SHISA9: variants seen among roughly 807,000 people sequenced by gnomAD.
SHISA9 encodes the protein shisa family member 9.
Under a neutral mutation model 38.0 loss-of-function variants are expected in SHISA9, and 13 were observed. That is an observed-to-expected ratio of 0.34 (90% CI 0.22 to 0.54). SHISA9 has a LOEUF of 0.54. Among genes scored for constraint, SHISA9 ranks in the 20% least tolerant of loss-of-function variants. SHISA9 has a pLI of 0.91. For missense variants in SHISA9, 538 were observed against 575.8 expected, an observed-to-expected ratio of 0.93 and a Z score of 0.67; for synonymous variants, 275 against 242.0, an observed-to-expected ratio of 1.14 and a Z score of -1.27.
At chr16:13,069,336 G>A (rs540007557) in intron 2 of SHISA9, among the ~76,000 whole-genome samples, 1 of 151,476 alleles carries the variant, frequency 6.6e-6, no homozygotes, top group Non-Finnish European at 1.5e-5. Flanking sequence ...ATGTACGCAT[G>A]CATATGTGTG....
At chr16:12,967,394 T>C (rs2071994188) in intron 2 of SHISA9, among the ~76,000 whole-genome samples, 2 of 151,874 alleles carry the variant, frequency 1.3e-5, no homozygotes, top group Non-Finnish European at 2.9e-5. Flanking sequence ...GAACATCACA[T>C]ACCAGGGACT....
At chr16:13,261,969 G>T in the SHISA9 span, among the ~76,000 whole-genome samples, 394 of 152,310 alleles carry the variant, frequency 2.6e-3, 3 homozygotes, top group South Asian at 5.4e-3. Flanking sequence ...TCCTGCAGGT[G>T]TGTCACTGTG....
chr16:13,074,408 T>C (rs1053237258), intron 2 of SHISA9, among the ~76,000 whole-genome samples: 2 of 152,290 alleles, frequency 1.3e-5, no homozygotes, highest in South Asian at 4.1e-4. Context: ...TCTCCATTTC[T>C]TACCCACCCA....
At chr16:13,332,829 T>A in the SHISA9 span, among the ~76,000 whole-genome samples, 1 of 152,318 alleles carries the variant, frequency 6.6e-6, no homozygotes, top group East Asian at 1.9e-4. Context: ...CACTCTGTCC[T>A]GATGTTACTC....
the SHISA9 span, among the ~76,000 whole-genome samples, chr16:13,247,042 A>C: frequency 6.6e-6 from 1 of 151,732 alleles, no homozygotes; most frequent in Admixed American, 6.6e-5. Flanking sequence ...TAAGTGACTC[A>C]CAGTTCCACG....
the SHISA9 span, among the ~76,000 whole-genome samples, chr16:13,541,917 C>T: frequency 6.6e-6 from 1 of 152,194 alleles, no homozygotes; most frequent in Non-Finnish European, 1.5e-5. Flanking sequence ...CCCTCAAATT[C>T]ATGTCCAGCC....
intron 2 of SHISA9, among the ~76,000 whole-genome samples, chr16:13,027,075 T>TA (rs1408178844): frequency 3.9e-5 from 6 of 152,352 alleles, no homozygotes; most frequent in African/African-American, 1.4e-4. Flanking sequence ...TTTTGGGGTA[T>TA]AGCCCATTTA....
chr16:13,298,523 T>C, the SHISA9 span, among the ~76,000 whole-genome samples: 3 of 152,162 alleles, frequency 2.0e-5, no homozygotes, highest in Non-Finnish European at 4.4e-5. Flanking sequence ...GTTCTTATTG[T>C]GTAGAGGAGG....
At chr16:13,536,624 A>C in the SHISA9 span, among the ~76,000 whole-genome samples, 3 of 152,346 alleles carry the variant, frequency 2.0e-5, no homozygotes, top group South Asian at 2.1e-4. Flanking sequence ...GCAAAGAAGA[A>C]GACGCTGGAA....
intron 2 of SHISA9, among the ~76,000 whole-genome samples, chr16:13,084,841 G>A (rs762148689): frequency 6.6e-6 from 1 of 152,090 alleles, no homozygotes; most frequent in Non-Finnish European, 1.5e-5. Flanking sequence ...TTGAGGGAGG[G>A]GCTGGAAGAA....
At chr16:13,010,207 A>G (rs2072654359) in intron 2 of SHISA9, among the ~76,000 whole-genome samples, 1 of 152,192 alleles carries the variant, frequency 6.6e-6, no homozygotes. Context: ...CAGAACTCCA[A>G]TTTCAAAAAG....
At chr16:13,282,051 A>C in the SHISA9 span, among the ~76,000 whole-genome samples, 4 of 151,934 alleles carry the variant, frequency 2.6e-5, no homozygotes, top group Non-Finnish European at 5.9e-5. Context: ...AAAAGAAAAC[A>C]ATATTTTATA....
chr16:13,358,524 G>A, the SHISA9 span, among the ~76,000 whole-genome samples: 1 of 152,150 alleles, frequency 6.6e-6, no homozygotes, highest in Non-Finnish European at 1.5e-5. Flanking sequence ...GATGTTGCTG[G>A]CATAAGTAGA....
At chr16:13,317,524 C>T in the SHISA9 span, among the ~76,000 whole-genome samples, 2 of 152,056 alleles carry the variant, frequency 1.3e-5, no homozygotes, top group Non-Finnish European at 2.9e-5. Context: ...CATATGTATA[C>T]ATGTGCCATG....
At chr16:13,457,929 C>T in the SHISA9 span, among the ~76,000 whole-genome samples, 1 of 151,876 alleles carries the variant, frequency 6.6e-6, no homozygotes, top group Non-Finnish European at 1.5e-5. Flanking sequence ...TCCTTCCTCC[C>T]TTCCTTCCTT....
At chr16:13,422,390 G>C in the SHISA9 span, among the ~76,000 whole-genome samples, 1 of 152,144 alleles carries the variant, frequency 6.6e-6, no homozygotes, top group South Asian at 2.1e-4. Flanking sequence ...CATTGGCACT[G>C]ACTGATATAA....
At chr16:12,975,774 C>A (rs554737590) in intron 2 of SHISA9, among the ~76,000 whole-genome samples, 4 of 151,784 alleles carry the variant, frequency 2.6e-5, no homozygotes, top group South Asian at 2.1e-4. Context: ...GGAAGATGGC[C>A]CAGATATTTG....
intron 2 of SHISA9, among the ~76,000 whole-genome samples, chr16:13,187,656 T>G (rs1361998309): frequency 6.6e-6 from 1 of 151,972 alleles, no homozygotes; most frequent in African/African-American, 2.4e-5. Context: ...CTTTTGAAGG[T>G]CTAGAAAAGA....
In SHISA9 at chr16:13,235,149, G is replaced by C; in HGVS notation, c.1015G>C (p.Glu339Gln). 2 of 1,551,694 alleles carry C rather than the reference G, an allele frequency of 1.3e-6. No individual in the cohort carries two copies. The highest frequency in any genetic ancestry group is 1.7e-6 in the Non-Finnish European group (2 of 1,147,010). ...GGACGAGCCCCGGGCCTTCAGCCCT[G>C]AGCACGGTCCTGCCAAGCAGAATGG... ...VEDEPRAFSPEHGPAKQNGQK... is the reference protein window; with the variant it reads ...VEDEPRAFSPQHGPAKQNGQK... The change falls in exon 5 of 5, where the codon GAG becomes CAG. Residue 339 changes from glutamate to glutamine, a missense_variant. Physicochemically the swap from Glu to Gln is conservative, Grantham distance 29. Around this residue, in one of 4 missense-constraint regions of SHISA9, gnomAD observed 326 missense variants for 305.9 expected, o/e 1.07. Transcript: ENST00000558583.
Sources: gnomAD v4.1 joint callset for allele counts (sites outside exome capture counted in the v4.1 genomes callset) on GRCh38, gnomAD v4.1.1 for gene constraint, gnomAD v4.1.1 regional missense constraint, MANE v1.5 for transcripts, NCBI Gene and HGNC (gene_info 2026-07-23, HGNC 2026-07-21) for gene names.